Variants in SNX25 observed in about 807,000 individuals in gnomAD.
SNX25 encodes sorting nexin 25.
SNX25 carries 62 observed loss-of-function variants against 113.7 expected under a neutral mutation model. The observed-to-expected ratio is 0.55, with a 90% CI of 0.44 to 0.67. SNX25 has a LOEUF of 0.67. Among genes scored for constraint, SNX25 ranks in the 30% least tolerant of loss-of-function variants. The pLI is 0.00. For missense variants in SNX25, 1,014 were observed against 1,161.0 expected (o/e 0.87, Z 1.84); for synonymous variants, 421 against 436.2 (o/e 0.97, Z 0.43).
intron 6 of SNX25, among the ~76,000 whole-genome samples, chr4:185,305,402 T>C (rs1233831993): frequency 6.6e-6 from 1 of 152,170 alleles, no homozygotes; most frequent in Non-Finnish European, 1.5e-5. Context: ...TATTCTACTG[T>C]TGGTGTTTTT....
intron 1 of SNX25, among the ~76,000 whole-genome samples, chr4:185,231,463 A>T (rs1288306005): frequency 1.3e-5 from 2 of 151,754 alleles, no homozygotes; most frequent in Non-Finnish European, 2.9e-5. Context: ...TAATCCCAGC[A>T]CTTTGGGAGG....
intron 8 of SNX25, 115 bp downstream of exon 8, chr4:185,320,979 A>C: frequency 1.2e-6 from 1 of 834,384 alleles, no homozygotes; most frequent in Admixed American, 2.9e-5. Context: ...TTTAAACCAA[A>C]TATAATACTG....
downstream of SNX25, chr4:185,365,206 C>T (rs1453077222): frequency 6.6e-6 from 1 of 152,086 alleles, no homozygotes; most frequent in Admixed American, 6.6e-5. Flanking sequence ...TTAAATTCTG[C>T]ATTGGATTTA....
At chr4:185,243,214 G>A (rs35745736) in intron 1 of SNX25, among the ~76,000 whole-genome samples, 56,135 of 152,066 alleles carry the variant, frequency 0.37, 11,892 homozygotes, top group East Asian at 0.55. Context: ...AAAATTTGCT[G>A]TCTGAACCAT....
At chr4:185,372,724 A>G, downstream of SNX25, 1 of 670,440 alleles carries the variant, frequency 1.5e-6, no homozygotes, top group Non-Finnish European at 2.5e-6. Flanking sequence ...TGAGGACATG[A>G]TGGTCCTCCC....
chr4:185,371,248 A>G (rs1008753192), downstream of SNX25, among the ~76,000 whole-genome samples: 2 of 152,196 alleles, frequency 1.3e-5, no homozygotes, highest in Non-Finnish European at 2.9e-5. Flanking sequence ...TTCTTTAAAA[A>G]TAGACAATTG....
In SNX25 at chr4:185,342,791, G is replaced by A. The variant is rs184155220; in HGVS notation, c.2187+675G>A. Among the ~76,000 whole-genome samples, 524 of 152,330 alleles carry A rather than the reference G, an allele frequency of 3.4e-3. 1 individual carries two copies. Among genetic ancestry groups the A allele is most frequent in the Middle Eastern group, 0.024 (7 of 294 alleles). ...AGGGAGGCAGTAAGGTGCGGTGCTT[G>A]GAGCACAGCCTCTAGAACCAGACTG... On this transcript the variant is annotated intron_variant, in intron 12 of 18. Transcript: ENST00000652585.
At chr4:185,367,005 T>C, downstream of SNX25, 1 of 582,432 alleles carries the variant, frequency 1.7e-6, no homozygotes, top group Non-Finnish European at 3.0e-6. Context: ...TGTGTCTAGG[T>C]TTCAAGTTGC....
At chr4:185,224,693 A>G (rs1334589660) in intron 1 of SNX25, among the ~76,000 whole-genome samples, 2 of 149,806 alleles carry the variant, frequency 1.3e-5, no homozygotes, top group Non-Finnish European at 3.0e-5. Flanking sequence ...TTATGAATTC[A>G]TGGGTTTGAA....
intron 1 of SNX25, among the ~76,000 whole-genome samples, chr4:185,239,930 T>C (rs1182908839): frequency 6.6e-6 from 1 of 150,884 alleles, no homozygotes; most frequent in Non-Finnish European, 1.5e-5. Context: ...GCAGTGTTTG[T>C]GTCCCTGGGT....
At chr4:185,242,442 G>A (rs1475187782) in intron 1 of SNX25, among the ~76,000 whole-genome samples, 1 of 152,192 alleles carries the variant, frequency 6.6e-6, no homozygotes, top group African/African-American at 2.4e-5. Flanking sequence ...TTCAATTTGA[G>A]GTGCCCATGA....
In SNX25 at chr4:185,353,857, A is replaced by G. The variant is rs543656522; in HGVS notation, c.2584+255A>G. Reference sequence around the variant, plus strand: ...TCAAGAGATCAAGACCATCCTGACCAACATGGTGAAACCCCGTTTCTACTA... The same window carrying G: ...TCAAGAGATCAAGACCATCCTGACCGACATGGTGAAACCCCGTTTCTACTA... On this transcript the variant is annotated intron_variant, in intron 15 of 18. Transcript: ENST00000652585. Among the ~76,000 whole-genome samples, 11 of 152,226 alleles carry G rather than the reference A, an allele frequency of 7.2e-5. No homozygotes were observed. In the East Asian group the frequency reaches 2.1e-3, roughly 29 times the overall value.
chr4:185,329,027 G>T (rs1359052661), intron 9 of SNX25, among the ~76,000 whole-genome samples: 1 of 152,098 alleles, frequency 6.6e-6, no homozygotes. Flanking sequence ...AGGAAGGAGA[G>T]ACCCGGGGAG....
intron 1 of SNX25, among the ~76,000 whole-genome samples, chr4:185,214,050 C>T (rs1738373009): frequency 6.6e-6 from 1 of 151,172 alleles, no homozygotes; most frequent in Non-Finnish European, 1.5e-5. Flanking sequence ...TTAATTATTT[C>T]TCTCTCTCTT....
chr4:185,223,173 C>T (rs1031286529), intron 1 of SNX25, among the ~76,000 whole-genome samples: 15 of 152,132 alleles, frequency 9.9e-5, no homozygotes, highest in African/African-American at 3.1e-4. Flanking sequence ...ACCTTAGCAA[C>T]CTCATCTTGA....
At chr4:185,262,417 G>A (rs1747451332) in intron 3 of SNX25, among the ~76,000 whole-genome samples, 1 of 152,114 alleles carries the variant, frequency 6.6e-6, no homozygotes. Flanking sequence ...TTCTTTGCTG[G>A]TCGAGTACTG....
intron 16 of SNX25, among the ~76,000 whole-genome samples, chr4:185,357,950 C>T (rs2095346188): frequency 6.6e-6 from 1 of 152,178 alleles, no homozygotes; most frequent in Admixed American, 6.5e-5. Flanking sequence ...ATAAGAAAAG[C>T]TTGAGCTACT....
At chr4:185,365,995 A>G (rs577136088), downstream of SNX25, 25 of 152,174 alleles carry the variant, frequency 1.6e-4, no homozygotes, top group Non-Finnish European at 2.6e-4. Context: ...TATTAATTGC[A>G]TTTTCCCATT....
chr4:185,270,739 T>G (rs1748806823), intron 5 of SNX25, among the ~76,000 whole-genome samples: 1 of 152,214 alleles, frequency 6.6e-6, no homozygotes, highest in Admixed American at 6.5e-5. Context: ...TCTCTATGGA[T>G]TTGCCTAGTC....
Sources: gnomAD v4.1 joint callset for allele counts (sites outside exome capture counted in the v4.1 genomes callset) on GRCh38, gnomAD v4.1.1 for gene constraint, MANE v1.5 for transcripts, NCBI Gene and HGNC (gene_info 2026-07-23, HGNC 2026-07-21) for gene names.